BMP5: variants seen among roughly 807,000 people sequenced by gnomAD.
The protein encoded by BMP5 is bone morphogenetic protein 5.
In BMP5, 23 loss-of-function variants were observed where a neutral mutation model predicts 46.6. The ratio of observed to expected loss-of-function variants is 0.49; its 90% CI spans 0.35 to 0.70. The LOEUF (loss-of-function observed/expected upper bound fraction) is 0.70. Among genes scored for constraint, BMP5 ranks in the 30% least tolerant of loss-of-function variants. BMP5 has a pLI of 0.00. For missense variants in BMP5, 545 were observed against 565.6 expected, an observed-to-expected ratio of 0.96 and a Z score of 0.37; for synonymous variants, 204 against 191.9, an observed-to-expected ratio of 1.06 and a Z score of -0.52.
At chr6:55,766,163 T>C (rs1286123476) in intron 4 of BMP5, among the ~76,000 whole-genome samples, 2 of 152,150 alleles carry the variant, frequency 1.3e-5, no homozygotes, top group Non-Finnish European at 2.9e-5. Flanking sequence ...CCCTTTGCAC[T>C]CTTAGTTGCC....
At chr6:55,847,978 A>C (rs1777138773) in intron 1 of BMP5, among the ~76,000 whole-genome samples, 1 of 151,932 alleles carries the variant, frequency 6.6e-6, no homozygotes, top group Admixed American at 6.6e-5. Context: ...AATTAATTGG[A>C]TTTTAATTTG....
At chr6:55,834,878 C>T (rs1341399020) in intron 1 of BMP5, among the ~76,000 whole-genome samples, 1 of 151,982 alleles carries the variant, frequency 6.6e-6, no homozygotes, top group Non-Finnish European at 1.5e-5. Context: ...GTCAGAAGTT[C>T]GAGACCAGCC....
intron 1 of BMP5, among the ~76,000 whole-genome samples, chr6:55,857,124 C>T (rs1314771559): frequency 6.6e-6 from 1 of 152,118 alleles, no homozygotes; most frequent in East Asian, 1.9e-4. Flanking sequence ...ACACTGTTTT[C>T]TTCTGCTCAT....
At chr6:55,798,008 C>A (rs551717991) in intron 2 of BMP5, among the ~76,000 whole-genome samples, 12 of 152,276 alleles carry the variant, frequency 7.9e-5, no homozygotes, top group African/African-American at 2.9e-4. Context: ...ATCAAGGTGT[C>A]AGCAGGGTCG....
chr6:55,844,694 AT>A (rs1562066756), intron 1 of BMP5, among the ~76,000 whole-genome samples: 2 of 151,902 alleles, frequency 1.3e-5, no homozygotes, highest in East Asian at 1.9e-4. Flanking sequence ...TCTTCTGAAA[AT>A]TTTTTTCTTG....
Position 55,794,402 on chromosome 6 carries a change from T to G in BMP5, c.709A>C (p.Thr237Pro). The change falls in exon 3 of 7, where the codon ACA becomes CCA. Residue 237 changes from threonine to proline, a missense_variant. By Grantham distance (38) the Thr-to-Pro change is conservative (BLOSUM62 -1). Transcript: ENST00000370830. ...ACATCTAAAGCTTGGGCCTTTCTTGTGTCTAACAAGAACAGATCTGCATCC... is the reference window on the plus strand; with the variant it reads ...ACATCTAAAGCTTGGGCCTTTCTTGGGTCTAACAAGAACAGATCTGCATCC... ...NRDADLFLLD[T>P]RKAQALDVGW... The G allele has an allele frequency of 1.9e-6, 3 of 1,613,988 alleles. No homozygotes were observed. Among genetic ancestry groups the G allele is most frequent in the Non-Finnish European group, 2.5e-6 (3 of 1,179,886 alleles).
At chr6:55,820,394 G>A (rs1173596078) in intron 1 of BMP5, among the ~76,000 whole-genome samples, 2 of 151,750 alleles carry the variant, frequency 1.3e-5, no homozygotes, top group African/African-American at 4.8e-5. Flanking sequence ...TCTCTTTTCA[G>A]CAAATAAAAT....
At chr6:55,774,684 C>T (rs920118514) in intron 3 of BMP5, among the ~76,000 whole-genome samples, 6 of 151,954 alleles carry the variant, frequency 3.9e-5, no homozygotes, top group African/African-American at 1.4e-4. Context: ...CCAGCCTATT[C>T]GAAGCCTTTC....
intron 1 of BMP5, among the ~76,000 whole-genome samples, chr6:55,837,748 T>C (rs902095165): frequency 2.0e-5 from 3 of 152,086 alleles, no homozygotes; most frequent in Admixed American, 2.0e-4. Context: ...GTAGGTTTTA[T>C]TCATTCTTTC....
chr6:55,757,124 A>T (rs1203237363), intron 6 of BMP5, among the ~76,000 whole-genome samples: 1 of 151,950 alleles, frequency 6.6e-6, no homozygotes. Context: ...TTGATACTTT[A>T]CTACAGCCAT....
chr6:55,843,476 T>C (rs1777013784), intron 1 of BMP5, among the ~76,000 whole-genome samples: 1 of 152,074 alleles, frequency 6.6e-6, no homozygotes, highest in South Asian at 2.1e-4. Context: ...TTTCCTCCAA[T>C]TCATAGTTAT....
chr6:55,811,466 G>A (rs1422336926), intron 2 of BMP5, among the ~76,000 whole-genome samples: 1 of 152,160 alleles, frequency 6.6e-6, no homozygotes, highest in Non-Finnish European at 1.5e-5. Flanking sequence ...CACAGCGCCA[G>A]ACACATGGTG....
intron 2 of BMP5, among the ~76,000 whole-genome samples, chr6:55,799,635 A>G (rs969099862): frequency 6.6e-6 from 1 of 152,154 alleles, no homozygotes; most frequent in Non-Finnish European, 1.5e-5. Flanking sequence ...TTCCTTGTGT[A>G]AGAGCAGGTA....
intron 1 of BMP5, among the ~76,000 whole-genome samples, chr6:55,822,394 C>T (rs1776430344): frequency 6.6e-6 from 1 of 152,116 alleles, no homozygotes; most frequent in Non-Finnish European, 1.5e-5. Context: ...TATTGCTTTG[C>T]TGCAGAAATT....
chr6:55,789,653 A>T (rs1428195657), intron 3 of BMP5, among the ~76,000 whole-genome samples: 3 of 152,096 alleles, frequency 2.0e-5, no homozygotes, highest in African/African-American at 7.2e-5. Context: ...TTGCTATTAA[A>T]AACAAAAATA....
intron 1 of BMP5, among the ~76,000 whole-genome samples, chr6:55,844,766 A>G (rs2127546993): frequency 6.6e-6 from 1 of 152,066 alleles, no homozygotes; most frequent in East Asian, 1.9e-4. Flanking sequence ...TGAAACTCTA[A>G]GAATACTTAT....
At chr6:55,803,156 G>C (rs1300293091) in intron 2 of BMP5, among the ~76,000 whole-genome samples, 8 of 126,720 alleles carry the variant, frequency 6.3e-5, no homozygotes, top group African/African-American at 2.0e-4. Context: ...GTGGGGGGGT[G>C]GGGGGGGCAG....
intron 6 of BMP5, among the ~76,000 whole-genome samples, chr6:55,756,645 C>T (rs1008253037): frequency 8.6e-5 from 13 of 151,820 alleles, no homozygotes; most frequent in Admixed American, 4.0e-4. Context: ...GGCTGTACAA[C>T]GTCCTGGCTG....
chr6:55,768,363 A>G (rs1402136394), intron 4 of BMP5, among the ~76,000 whole-genome samples: 3 of 152,066 alleles, frequency 2.0e-5, no homozygotes, highest in Admixed American at 6.6e-5. Context: ...AAATCATACT[A>G]TGAGTACCCA....
Sources: gnomAD v4.1 joint callset for allele counts (sites outside exome capture counted in the v4.1 genomes callset) on GRCh38, gnomAD v4.1.1 for gene constraint, MANE v1.5 for transcripts, NCBI Gene and HGNC (gene_info 2026-07-23, HGNC 2026-07-21) for gene names.